RIMS2: variants seen among roughly 807,000 people sequenced by gnomAD.
RIMS2 encodes regulating synaptic membrane exocytosis protein 2.
Under a neutral mutation model 174.4 loss-of-function variants are expected in RIMS2, and 59 were observed. That is an observed-to-expected ratio of 0.34 (90% CI 0.27 to 0.42). RIMS2 has a LOEUF of 0.42. Ranked by LOEUF, RIMS2 falls within the 10% of genes least tolerant of loss-of-function variation. The probability of loss-of-function intolerance (pLI) is 1.00; values close to 1 mark genes in which losing one functional copy is unlikely to be tolerated. For synonymous variants in RIMS2, 606 were observed against 572.5 expected, an observed-to-expected ratio of 1.06 and a Z score of -0.84; for missense variants, 1,620 against 1,666.3, an observed-to-expected ratio of 0.97 and a Z score of 0.48.
intron 19 of RIMS2, among the ~76,000 whole-genome samples, chr8:104,231,624 G>C (rs1273246316): frequency 6.6e-6 from 1 of 152,152 alleles, no homozygotes; most frequent in Non-Finnish European, 1.5e-5. Context: ...CTTCCTAGTT[G>C]TATGGACTGT....
chr8:103,626,413 G>GTAA (rs979773594), intron 1 of RIMS2, among the ~76,000 whole-genome samples: 6 of 152,074 alleles, frequency 3.9e-5, no homozygotes, highest in Admixed American at 3.9e-4. Flanking sequence ...AAAGAAAAAT[G>GTAA]TAATAATAAT....
intron 19 of RIMS2, among the ~76,000 whole-genome samples, chr8:104,242,116 C>A (rs553682121): frequency 5.3e-4 from 81 of 152,092 alleles, no homozygotes; most frequent in African/African-American, 1.9e-3. Flanking sequence ...ATATTAACTT[C>A]ATGTATATCA....
Position 103,528,454 on chromosome 8 carries a change from G to A in RIMS2, c.176+27392G>A, listed in dbSNP as rs1586844117. 2.0e-5 allele frequency among the ~76,000 whole-genome samples: 3 copies of A among 152,268 alleles called. No homozygotes were observed. The South Asian group carries it at 6.2e-4, about 32-fold the overall frequency. On this transcript the variant is annotated intron_variant, in intron 1 of 23. Coordinates refer to ENST00000504942, the Ensembl canonical transcript of RIMS2. ...CCATTGCTTTTGGTGTTTTAGACATGAAGTCCTTGCCCATGCCTATGTCCT... is the reference window on the plus strand; with the variant it reads ...CCATTGCTTTTGGTGTTTTAGACATAAAGTCCTTGCCCATGCCTATGTCCT...
At chr8:103,557,956 G>A (rs572439823) in intron 1 of RIMS2, among the ~76,000 whole-genome samples, 1 of 151,854 alleles carries the variant, frequency 6.6e-6, no homozygotes, top group African/African-American at 2.4e-5. Flanking sequence ...CCCAACTATG[G>A]GTAAAATTAA....
intron 3 of RIMS2, among the ~76,000 whole-genome samples, chr8:103,824,688 G>A (rs762908923): frequency 7.2e-4 from 109 of 152,176 alleles, no homozygotes; most frequent in Non-Finnish European, 1.2e-3. Context: ...GGTATAGAAA[G>A]TGGGACATGG....
At chr8:103,918,060 G>A (rs1284827622) in intron 8 of RIMS2, among the ~76,000 whole-genome samples, 4 of 152,076 alleles carry the variant, frequency 2.6e-5, no homozygotes, top group African/African-American at 9.7e-5. Flanking sequence ...GCACTTTAAT[G>A]TTACTCATTT....
chr8:103,989,685 T>C (rs2094565110), intron 17 of RIMS2, among the ~76,000 whole-genome samples: 1 of 152,200 alleles, frequency 6.6e-6, no homozygotes, highest in Admixed American at 6.5e-5. Context: ...GTTAAGTTAG[T>C]GAATCTGTAT....
chr8:104,094,030 C>T lies in RIMS2; in HGVS notation c.3334+79415C>T, dbSNP rs570624444. 1.4e-3 allele frequency among the ~76,000 whole-genome samples: 208 copies of T among 151,844 alleles called. 1 individual carries two copies. The highest frequency in any genetic ancestry group is 4.7e-3 in the African/African-American group (194 of 41,474). The stretch of plus-strand genomic sequence containing the variant: ...AGAAAACATAAGAATGTTACTTTTT[C>T]AGTAGGATGCTTTCCTATCCTCTTG... On this transcript the variant is annotated intron_variant, in intron 19 of 23. Transcript: ENST00000504942.
intron 3 of RIMS2, among the ~76,000 whole-genome samples, chr8:103,786,403 C>T (rs1010888616): frequency 4.0e-5 from 6 of 151,656 alleles, no homozygotes; most frequent in African/African-American, 1.5e-4. Context: ...CTCTTGTGGG[C>T]ATTTAGTGCT....
At chr8:103,794,832 A>T (rs2098536891) in intron 3 of RIMS2, among the ~76,000 whole-genome samples, 2 of 152,236 alleles carry the variant, frequency 1.3e-5, no homozygotes, top group Admixed American at 6.5e-5. Context: ...ACACATGAGA[A>T]AATGCTCATC....
At chr8:104,102,089 T>A (rs2097913930) in intron 19 of RIMS2, among the ~76,000 whole-genome samples, 1 of 152,194 alleles carries the variant, frequency 6.6e-6, no homozygotes, top group East Asian at 1.9e-4. Flanking sequence ...TATGTATTGA[T>A]AACTTCCAAA....
At position 103,829,581 on chromosome 8, in the gene RIMS2, T is replaced by G. The variant is rs528302461; in HGVS notation, c.699-55717T>G. Reference sequence around the variant, plus strand: ...GCAACATAGATCGAGTTGGAGGCCATTATCCTAACCAATTTGATGCAGGAA... The same window carrying G: ...GCAACATAGATCGAGTTGGAGGCCAGTATCCTAACCAATTTGATGCAGGAA... On this transcript the variant is annotated intron_variant, in intron 3 of 23. Transcript: ENST00000504942. 2.0e-5 allele frequency among the ~76,000 whole-genome samples: 3 copies of G among 152,298 alleles called. No homozygotes were observed. In the East Asian group the frequency reaches 5.8e-4, roughly 29 times the overall value.
At chr8:103,726,048 T>C (rs927653266) in intron 2 of RIMS2, among the ~76,000 whole-genome samples, 1 of 152,234 alleles carries the variant, frequency 6.6e-6, no homozygotes, top group Admixed American at 6.5e-5. Context: ...TCTCACTCTA[T>C]ATATACTGAA....
intron 17 of RIMS2, among the ~76,000 whole-genome samples, chr8:104,007,658 C>T (rs9297342): frequency 0.23 from 34,514 of 152,074 alleles, 4,483 homozygotes; most frequent in Non-Finnish European, 0.28. Flanking sequence ...TATACCATCT[C>T]TTAGTTGGCC....
chr8:104,208,225 G>A (rs1216311039), intron 19 of RIMS2, among the ~76,000 whole-genome samples: 1 of 152,164 alleles, frequency 6.6e-6, no homozygotes, highest in African/African-American at 2.4e-5. Context: ...TGACCTTTAA[G>A]TAGTTCTTTA....
At chr8:103,581,303 C>T (rs1275788001) in intron 1 of RIMS2, among the ~76,000 whole-genome samples, 2 of 152,098 alleles carry the variant, frequency 1.3e-5, no homozygotes, top group African/African-American at 2.4e-5. Context: ...GGATTCGTCC[C>T]AGGGAATCAA....
intron 1 of RIMS2, among the ~76,000 whole-genome samples, chr8:103,616,983 A>G (rs925050601): frequency 6.6e-6 from 1 of 152,186 alleles, no homozygotes; most frequent in African/African-American, 2.4e-5. Context: ...ATTCTTACCA[A>G]GCCACCAATG....
chr8:104,040,879 CT>C (rs2096597162), intron 19 of RIMS2, among the ~76,000 whole-genome samples: 2 of 151,650 alleles, frequency 1.3e-5, no homozygotes, highest in Admixed American at 1.3e-4. Context: ...ATTTTTATTG[CT>C]CTTTTTGGTG....
chr8:104,223,571 C>G, intron 19 of RIMS2: 1 of 1,464,582 alleles, frequency 6.8e-7, no homozygotes. Context: ...CCACTGGTCC[C>G]GGAACCGCTG....
Sources: allele counts gnomAD v4.1 joint callset (sites outside exome capture counted in the v4.1 genomes callset), GRCh38; gene constraint gnomAD v4.1.1; transcripts MANE v1.5; gene names NCBI Gene and HGNC (gene_info 2026-07-23, HGNC 2026-07-21).